Variants in BPTF observed in about 807,000 individuals in gnomAD.
BPTF encodes bromodomain PHD finger transcription factor.
BPTF carries 18 observed loss-of-function variants against 292.5 expected under a neutral mutation model. The observed-to-expected ratio is 0.06, with a 90% CI of 0.04 to 0.09. The LOEUF is 0.09. Among genes scored for constraint, BPTF ranks in the 10% least tolerant of loss-of-function variants. BPTF has a pLI of 1.00. For missense variants in BPTF, 2,726 were observed against 3,498.7 expected, an observed-to-expected ratio of 0.78 and a Z score of 5.57; for synonymous variants, 1,225 against 1,251.9, an observed-to-expected ratio of 0.98 and a Z score of 0.45.
At chr17:67,898,252 C>T (rs765900222) in intron 7 of BPTF, among the ~76,000 whole-genome samples, 3 of 152,104 alleles carry the variant, frequency 2.0e-5, no homozygotes, top group Non-Finnish European at 2.9e-5. Flanking sequence ...GTCCCAGCTA[C>T]TAGGAGGCTG....
Position 67,945,450 on chromosome 17 carries a change from C to G in BPTF, c.6742C>G (p.Gln2248Glu). 1 of 1,614,016 alleles carries G rather than the reference C, an allele frequency of 6.2e-7. No homozygotes were observed. Among genetic ancestry groups the G allele is most frequent in the East Asian group, 2.2e-5 (1 of 44,882 alleles). Residue 2248 changes from glutamine (Q) to glutamate (E), a missense_variant, in exon 21 of 28, where the codon CAG becomes GAG. Physicochemically the swap from Gln to Glu is conservative, Grantham distance 29. Transcript: ENST00000306378. ...GCAGAGTAAACTGTCACCCCAGATG[C>G]AGGTACATCAAGACAAAACCCTGCC... ...QRQSKLSPQM[Q>E]VHQDKTLPPA...
At chr17:67,875,159 CCT>C in intron 4 of BPTF, 139 bp downstream of exon 4, 2 of 715,254 alleles carry the variant, frequency 2.8e-6, no homozygotes, top group South Asian at 2.0e-5. Flanking sequence ...GATACCGTCC[CCT>C]CTTATAACGT....
At chr17:67,961,290 T>C (rs1319928582) in intron 24 of BPTF, among the ~76,000 whole-genome samples, 3 of 152,232 alleles carry the variant, frequency 2.0e-5, no homozygotes, top group Non-Finnish European at 4.4e-5. Flanking sequence ...ATATTTTTCA[T>C]TTTGTCATTA....
Position 67,937,260 on chromosome 17 carries a change from A to G in BPTF, c.6260-3179A>G, listed in dbSNP as rs201046289. Among the ~76,000 whole-genome samples the G allele has an allele frequency of 1.8e-4, 28 of 152,192 alleles. No homozygotes were observed. In the East Asian group the frequency reaches 4.6e-3, roughly 25 times the overall value. On this transcript the variant is annotated intron_variant, in intron 18 of 27. Coordinates refer to ENST00000306378, the MANE Select transcript of BPTF (RefSeq NM_182641.4). ...CGCCTGAGGTCAGGAGTTCAAGACC[A>G]GCCTGGCCAACATGGTGAAACCCCA...
At chr17:67,956,318 C>CA (rs1213133363) in intron 23 of BPTF, 24,084 of 94,580 alleles carry the variant, frequency 0.25, 4,175 homozygotes, top group East Asian at 0.7. Flanking sequence ...GACTCCATCT[C>CA]AAAAAAAAAA....
intron 7 of BPTF, among the ~76,000 whole-genome samples, chr17:67,894,864 G>A (rs1194890505): frequency 6.6e-6 from 1 of 152,156 alleles, no homozygotes; most frequent in Non-Finnish European, 1.5e-5. Flanking sequence ...ACCCAGGGCT[G>A]TGCAACTTCA....
At chr17:67,893,085 G>T (rs945223169) in intron 5 of BPTF, 2 of 347,832 alleles carry the variant, frequency 5.7e-6, no homozygotes, top group East Asian at 7.1e-5. Context: ...TGGTTTCATG[G>T]GTATATTTGA....
intron 1 of BPTF, among the ~76,000 whole-genome samples, chr17:67,840,709 C>T (rs1190496272): frequency 2.6e-5 from 4 of 152,024 alleles, no homozygotes; most frequent in Non-Finnish European, 5.9e-5. Context: ...ACCACAGGCA[C>T]ATGCCACTAT....
intron 3 of BPTF, among the ~76,000 whole-genome samples, chr17:67,874,260 A>T (rs1256652809): frequency 6.6e-6 from 1 of 152,192 alleles, no homozygotes; most frequent in East Asian, 1.9e-4. Context: ...GGGTAGGTGT[A>T]CTAAGAGACT....
At chr17:67,935,591 A>G (rs1295815949) in intron 18 of BPTF, among the ~76,000 whole-genome samples, 1 of 152,228 alleles carries the variant, frequency 6.6e-6, no homozygotes, top group East Asian at 1.9e-4. Flanking sequence ...AAAAAGTACA[A>G]TAAAAATAAA....
intron 1 of BPTF, among the ~76,000 whole-genome samples, chr17:67,851,834 A>G (rs977357906): frequency 6.6e-6 from 1 of 151,226 alleles, no homozygotes; most frequent in African/African-American, 2.4e-5. Flanking sequence ...AAACTGTTAA[A>G]TTTTTTTCCA....
intron 13 of BPTF, among the ~76,000 whole-genome samples, chr17:67,921,924 C>T (rs1029814330): frequency 4.6e-5 from 7 of 151,818 alleles, no homozygotes; most frequent in East Asian, 1.9e-4. Flanking sequence ...CCCAGCTACT[C>T]GGGAGGCCGA....
At chr17:67,969,013 G>A (rs1444557078) in intron 26 of BPTF, among the ~76,000 whole-genome samples, 1 of 150,878 alleles carries the variant, frequency 6.6e-6, no homozygotes, top group Non-Finnish European at 1.5e-5. Flanking sequence ...AATAAATAAA[G>A]AAGATAGGCC....
rs753684485 is a variant in BPTF, at chr17:67,910,963, C to T, written c.3079C>T (p.His1027Tyr). The change falls in exon 11 of 28, where the codon CAT becomes TAT. Residue 1027 changes from histidine to tyrosine, a missense_variant. His to Tyr is a moderately conservative substitution (Grantham distance 83, BLOSUM62 2). This residue lies in a region of BPTF where 713 missense variants were observed against 714.9 expected (regional missense o/e 1.00). Transcript: ENST00000306378. ...EVDDDMKTES[H>Y]VNCQESSQVD... ...AGACGATGACATGAAAACAGAGTCACATGTAAATTGTCAGGAGAGTTCTCA... is the reference window on the plus strand; with the variant it reads ...AGACGATGACATGAAAACAGAGTCATATGTAAATTGTCAGGAGAGTTCTCA... The T allele has an allele frequency of 1.2e-6, 2 of 1,614,002 alleles. No homozygotes were observed. The highest frequency in any genetic ancestry group is 1.7e-6 in the Non-Finnish European group (2 of 1,179,970).
At chr17:67,939,545 TCATTCATTCA>T (rs1476007169) in intron 18 of BPTF, among the ~76,000 whole-genome samples, 1 of 152,216 alleles carries the variant, frequency 6.6e-6, no homozygotes, top group Non-Finnish European at 1.5e-5. Context: ...CAGTTCAACT[TCATTCATTCA>T]ATAGACATTT....
intron 4 of BPTF, among the ~76,000 whole-genome samples, chr17:67,881,858 GTTTTTT>G (rs71354089): frequency 1.7e-4 from 5 of 30,032 alleles, no homozygotes; most frequent in African/African-American, 1.8e-4. Flanking sequence ...TTGGGTTTTT[GTTTTTT>G]TTTTTTTTTT....
chr17:67,923,132 T>G (rs1266031426), intron 14 of BPTF, 142 bp downstream of exon 14: 2 of 931,578 alleles, frequency 2.1e-6, no homozygotes, highest in Non-Finnish European at 3.1e-6. Context: ...CTTGGCTCAC[T>G]GCAACCTCTG....
intron 9 of BPTF, among the ~76,000 whole-genome samples, chr17:67,907,552 T>C (rs1358979611): frequency 1.3e-5 from 2 of 152,014 alleles, no homozygotes; most frequent in African/African-American, 4.8e-5. Context: ...GACGGGGTTT[T>C]GCCATGTTGG....
intron 1 of BPTF, among the ~76,000 whole-genome samples, chr17:67,836,920 A>T (rs1295206185): frequency 6.6e-6 from 1 of 152,220 alleles, no homozygotes; most frequent in East Asian, 1.9e-4. Flanking sequence ...TGAATTATCC[A>T]GGTGAAATGC....
Sources: allele counts gnomAD v4.1 joint callset (sites outside exome capture counted in the v4.1 genomes callset), GRCh38; gene constraint gnomAD v4.1.1; regional missense constraint gnomAD v4.1.1; transcripts MANE v1.5; gene names NCBI Gene and HGNC (gene_info 2026-07-23, HGNC 2026-07-21).